Variants in DNAH10 observed in about 807,000 individuals in gnomAD.
DNAH10 encodes the protein axonemal beta dynein heavy chain 10.
DNAH10 carries 348 observed loss-of-function variants against 506.6 expected under a neutral mutation model. That is an observed-to-expected ratio of 0.69 (90% confidence interval 0.63 to 0.75). The LOEUF is 0.75. Among genes scored for constraint, DNAH10 ranks in the 30% least tolerant of loss-of-function variants. The pLI is 0.00. For synonymous variants in DNAH10, 2,059 were observed against 2,198.6 expected, an observed-to-expected ratio of 0.94 and a Z score of 1.78; for missense variants, 5,179 against 5,787.1, an observed-to-expected ratio of 0.89 and a Z score of 3.41.
rs1333647671 is a variant in DNAH10 at position 123,909,443 on chromosome 12, G to C, written c.9997+1G>C. 3.2e-6 allele frequency: 5 copies of C among 1,581,534 alleles called. No individual in the cohort carries two copies. The African/African-American group carries it at 4.0e-5, about 13-fold the overall frequency. On this transcript the variant is annotated splice_donor_variant, in intron 58 of 78. Coordinates refer to ENST00000673944, the MANE Select transcript of DNAH10 (RefSeq NM_001372106.1). LOFTEE classifies it high-confidence loss of function. This position sits in a 1 kb window ranked among gnomAD's most constrained non-coding sequence, Gnocchi z 5.4. The stretch of plus-strand genomic sequence containing the variant: ...CAGAGCCAAGTGAAAAACATCAAAG[G>C]TGAGTGTAGCCACGTGTGGGAATCG...
At position 123,865,284 on chromosome 12, in the gene DNAH10, A is replaced by G. The variant is rs933566254; in HGVS notation, c.7044+554A>G. ...TCTCATTTTTTTTTTTAAACTTTCT[A>G]TCATATCAAGTATTCTGTCGAGCCC... is the stretch of plus-strand genomic sequence containing the variant. On this transcript the variant is annotated intron_variant, in intron 40 of 78. Coordinates refer to ENST00000673944, the MANE Select transcript of DNAH10 (RefSeq NM_001372106.1). Among the ~76,000 whole-genome samples, 14 of 148,832 alleles carry G rather than the reference A, an allele frequency of 9.4e-5. No individual in the cohort carries two copies. In the Middle Eastern group the frequency reaches 0.01, roughly 112 times the overall value.
intron 12 of DNAH10, among the ~76,000 whole-genome samples, chr12:123,795,847 A>G (rs1594046462): frequency 6.6e-6 from 1 of 152,170 alleles, no homozygotes; most frequent in African/African-American, 2.4e-5. Flanking sequence ...TTATACATCT[A>G]AAAGTAACTA....
In DNAH10 at chr12:123,889,940, T is replaced by TC. The variant is rs372389772; in HGVS notation, c.8995+2629dup. On this transcript the variant is annotated intron_variant, in intron 52 of 78. Transcript: ENST00000673944. ...ATCCTTCCAGTCTCTACTTCTGTCA[T>TC]CCTGATGCAAACTCAGCTGCTTCTC... Among the ~76,000 whole-genome samples, 524 of 152,290 alleles carry TC rather than the reference T, an allele frequency of 3.4e-3. 2 individuals carry two copies. Among genetic ancestry groups the TC allele is most frequent in the African/African-American group, 0.012 (514 of 41,556 alleles).
chr12:123,902,023 C>A lies in DNAH10; in HGVS notation c.9641-916C>A, dbSNP rs965183363. 1.3e-5 allele frequency among the ~76,000 whole-genome samples: 2 copies of A among 152,162 alleles called. No homozygotes were observed. Among genetic ancestry groups the A allele is most frequent in the Non-Finnish European group, 2.9e-5 (2 of 68,040 alleles). On this transcript the variant is annotated intron_variant, in intron 56 of 78. Transcript: ENST00000673944. The surrounding 1 kb of genome is among the most constrained non-coding windows in gnomAD (Gnocchi z 4.5). ...AAAGTCTGACATCAAGGTGCCAGGACCATGCTCCCTCTGAAAGCTCTAGGG... is the reference window on the plus strand; with the variant it reads ...AAAGTCTGACATCAAGGTGCCAGGAACATGCTCCCTCTGAAAGCTCTAGGG...
chr12:123,929,188 G>T, intron 70 of DNAH10, 87 bp from the exon 71 acceptor site: 1 of 1,367,326 alleles, frequency 7.3e-7, no homozygotes, highest in Non-Finnish European at 1.0e-6. Flanking sequence ...TAGAGAGGAA[G>T]GAAAGCGCAG....
At chr12:123,779,548 A>C (rs1957565357) in intron 5 of DNAH10, among the ~76,000 whole-genome samples, 1 of 152,146 alleles carries the variant, frequency 6.6e-6, no homozygotes, top group African/African-American at 2.4e-5. Flanking sequence ...ATAAACAGAC[A>C]TTTTAGAACA....
At chr12:123,851,927 T>G (rs7962016) in intron 35 of DNAH10, among the ~76,000 whole-genome samples, 47,646 of 151,860 alleles carry the variant, frequency 0.31, 7,698 homozygotes, top group Middle Eastern at 0.41. Flanking sequence ...GCAGATGCCA[T>G]CACACCTGGC....
Position 123,796,841 on chromosome 12 carries a change from C to T in DNAH10, c.2163+9C>T, listed in dbSNP as rs1197925473. The T allele has an allele frequency of 1.3e-6, 2 of 1,584,106 alleles. No individual in the cohort carries two copies. The highest frequency in any genetic ancestry group is 1.7e-6 in the Non-Finnish European group (2 of 1,168,080). ...GTGATCGAGGACAGGAGGTATGTTG[C>T]TCTTGCTAGAATTGGCTCCTTTTGT... On this transcript the variant is annotated intron_variant, in intron 13 of 78. Coordinates refer to ENST00000673944, the MANE Select transcript of DNAH10 (RefSeq NM_001372106.1).
At chr12:123,898,521 A>G (rs942434306) in intron 55 of DNAH10, 132 bp from the exon 56 acceptor site, 65 of 1,151,606 alleles carry the variant, frequency 5.6e-5, no homozygotes, top group Non-Finnish European at 6.3e-5. Flanking sequence ...CAGTGGAGGT[A>G]CTGAAAGACA....
At chr12:123,896,160 G>T (rs1466045694) in intron 54 of DNAH10, among the ~76,000 whole-genome samples, 1,909 of 130,700 alleles carry the variant, frequency 0.015, 55 homozygotes, top group African/African-American at 0.05. Flanking sequence ...GAGAGAGAGA[G>T]AGAGAGAGAG....
chr12:123,801,228 T>G, intron 15 of DNAH10, 53 bp from the exon 16 acceptor site: 1 of 1,535,470 alleles, frequency 6.5e-7, no homozygotes, highest in East Asian at 2.3e-5. Context: ...CAAAAGCTTT[T>G]GATGAGCTTA....
chr12:123,860,053 A>G (rs1166351105), intron 38 of DNAH10, among the ~76,000 whole-genome samples: 1 of 151,708 alleles, frequency 6.6e-6, no homozygotes. Flanking sequence ...AAAGGAGAGT[A>G]TGTCATAAAA....
At position 123,801,324 on chromosome 12, in the gene DNAH10, C is replaced by T; in HGVS notation, c.2506C>T (p.Leu836Phe). ...IQRMLDHYHM[L>F]IGTLNDAESV... ...GCGCATGTTGGATCATTATCACATG[C>T]TCATAGGAACGTTAAACGATGCGGA... is the stretch of plus-strand genomic sequence containing the variant. The change falls in exon 16 of 79, where the codon CTC (leucine) becomes TTC (phenylalanine). Residue 836 changes from leucine to phenylalanine, a missense_variant. Coordinates refer to ENST00000673944, the MANE Select transcript of DNAH10 (RefSeq NM_001372106.1). 2.5e-6 allele frequency: 4 copies of T among 1,614,152 alleles called. No individual in the cohort carries two copies. Among genetic ancestry groups the T allele is most frequent in the Non-Finnish European group, 3.4e-6 (4 of 1,180,026 alleles).
chr12:123,822,737 G>C (rs1202658313), intron 24 of DNAH10, among the ~76,000 whole-genome samples: 1 of 152,218 alleles, frequency 6.6e-6, no homozygotes, highest in Admixed American at 6.5e-5. Flanking sequence ...ACCCTGGAGA[G>C]CTGATGGTAT....
At chr12:123,768,137 TCCTC>T (rs1957117035) in intron 2 of DNAH10, among the ~76,000 whole-genome samples, 1 of 143,862 alleles carries the variant, frequency 7.0e-6, no homozygotes, top group African/African-American at 2.5e-5. Context: ...CTCCTCCTCC[TCCTC>T]CTTTTTTTTT....
rs1252888091 is a variant in DNAH10 at position 123,923,881 on chromosome 12, C to T, written c.11611+14C>T. 2 of 1,565,612 alleles carry T rather than the reference C, an allele frequency of 1.3e-6. No homozygotes were observed. The highest frequency in any genetic ancestry group is 1.7e-6 in the Non-Finnish European group (2 of 1,143,476). On this transcript the variant is annotated intron_variant, in intron 66 of 78. Coordinates refer to ENST00000673944, the MANE Select transcript of DNAH10 (RefSeq NM_001372106.1). ...TCTTTTTAAAAGGTAATGAATTTGCCTAGCTTCATTCCTCCCATCTCCTTG... is the reference window on the plus strand; with the variant it reads ...TCTTTTTAAAAGGTAATGAATTTGCTTAGCTTCATTCCTCCCATCTCCTTG...
At position 123,787,886 on chromosome 12, in the gene DNAH10, CGGGCCAAGATAG is replaced by C; in HGVS notation, c.1505_1516del (p.Arg502_Glu506delinsGln). 6.2e-7 allele frequency: 1 copy of C among 1,613,596 alleles called. No individual in the cohort carries two copies. Among genetic ancestry groups the C allele is most frequent in the East Asian group, 2.2e-5 (1 of 44,878 alleles). ...GTGGAAAAAGGCCTATTTTGACACC[CGGGCCAAGATAG>C]AGGCTTCGGGGAGGGAAGATCGGTG... is the stretch of plus-strand genomic sequence containing the variant. On this transcript the variant is annotated inframe_deletion, in exon 10 of 79. Transcript: ENST00000673944. This position sits in a 1 kb window ranked among gnomAD's most constrained non-coding sequence, Gnocchi z 4.6.
At position 123,916,397 on chromosome 12, in the gene DNAH10, A is replaced by G. The variant is rs1954479697; in HGVS notation, c.10723-60A>G. Reference sequence around the variant, plus strand: ...CCCACTTCCAAGCCATTCTCCCCTTATATTTGGCAGGGCCACAGTTAAACG... The same window carrying G: ...CCCACTTCCAAGCCATTCTCCCCTTGTATTTGGCAGGGCCACAGTTAAACG... On this transcript the variant is annotated intron_variant, in intron 62 of 78. Coordinates refer to ENST00000673944, the MANE Select transcript of DNAH10 (RefSeq NM_001372106.1). This position sits in a 1 kb window ranked among gnomAD's most constrained non-coding sequence, Gnocchi z 4.6. 6.4e-7 allele frequency: 1 copy of G among 1,550,848 alleles called. No individual in the cohort carries two copies. The highest frequency in any genetic ancestry group is 8.7e-7 in the Non-Finnish European group (1 of 1,151,696).
chr12:123,806,523 A>T (rs576954101), intron 18 of DNAH10, among the ~76,000 whole-genome samples: 1 of 152,316 alleles, frequency 6.6e-6, no homozygotes, highest in South Asian at 2.1e-4. Flanking sequence ...CTCTTACTGC[A>T]GTTAAAGTAT....
Sources: allele counts gnomAD v4.1 joint callset (sites outside exome capture counted in the v4.1 genomes callset), GRCh38; gene constraint gnomAD v4.1.1; non-coding constraint Gnocchi (gnomAD v3.1); transcripts MANE v1.5; gene names NCBI Gene and HGNC (gene_info 2026-07-23, HGNC 2026-07-21).